PAFAH2: variants seen among roughly 807,000 people sequenced by gnomAD.
PAFAH2 encodes the protein platelet-activating factor acetylhydrolase 2, cytoplasmic.
Under a neutral mutation model 49.0 loss-of-function variants are expected in PAFAH2, and 42 were observed. The observed-to-expected ratio is 0.86, with a 90% CI of 0.67 to 1.11. The LOEUF (loss-of-function observed/expected upper bound fraction) is 1.11. PAFAH2 is among the 50% of genes least tolerant of loss of function. The pLI is 0.00. For synonymous variants in PAFAH2, 184 were observed against 181.3 expected, an observed-to-expected ratio of 1.01 and a Z score of -0.12; for missense variants, 503 against 501.8, an observed-to-expected ratio of 1.00 and a Z score of -0.02.
chr1:25,971,847 A>G (rs7529111), intron 10 of PAFAH2, among the ~76,000 whole-genome samples: 132 of 152,256 alleles, frequency 8.7e-4, no homozygotes, highest in African/African-American at 2.8e-3. Context: ...TAGTCCTTCC[A>G]TGCTTTGTTT....
chr1:25,982,589 C>T (rs2049708161), intron 6 of PAFAH2, 112 bp from the exon 7 acceptor site: 5 of 763,618 alleles, frequency 6.5e-6, no homozygotes, highest in East Asian at 5.5e-5. Context: ...CCACCCACGC[C>T]TCAGCAAGCA....
rs775261231 is a variant in PAFAH2 at position 25,972,594 on chromosome 1, C to G, written c.1048G>C (p.Val350Leu). 6.2e-7 allele frequency: 1 copy of G among 1,613,916 alleles called. No homozygotes were observed. The highest frequency in any genetic ancestry group is 1.7e-5 in the Admixed American group (1 of 60,018). The change falls in exon 10 of 11, where the codon GTA becomes CTA. Residue 350 changes from valine to leucine, a missense_variant. By Grantham distance (32) the Val-to-Leu change is conservative. Coordinates refer to ENST00000374282, the MANE Select transcript of PAFAH2 (RefSeq NM_000437.4). ...LDPYEGQEVM[V>L]RAMLAFLQKH... ...TGCAGGAAGGCCAACATGGCCCGTA[C>G]CATAACCTCCTGCCCTTCATAGGGG... is the stretch of plus-strand genomic sequence containing the variant.
At chr1:25,988,874 G>A (rs1432072067) in intron 3 of PAFAH2, among the ~76,000 whole-genome samples, 1 of 146,876 alleles carries the variant, frequency 6.8e-6, no homozygotes, top group African/African-American at 2.5e-5. Flanking sequence ...TGGCAGTACT[G>A]AACCCGGGGT....
At chr1:25,995,789 T>C (rs1039527073) in intron 1 of PAFAH2, among the ~76,000 whole-genome samples, 3 of 152,194 alleles carry the variant, frequency 2.0e-5, no homozygotes, top group Admixed American at 6.5e-5. Flanking sequence ...GGGGTAAAGA[T>C]TGGGTTTTAT....
At chr1:25,973,645 G>A (rs1436800682) in intron 9 of PAFAH2, among the ~76,000 whole-genome samples, 2 of 152,180 alleles carry the variant, frequency 1.3e-5, no homozygotes, top group African/African-American at 4.8e-5. Context: ...CTAGGAAAGA[G>A]GGCCAGGACC....
intron 7 of PAFAH2, among the ~76,000 whole-genome samples, chr1:25,977,608 T>C (rs1043833648): frequency 1.3e-4 from 19 of 149,938 alleles, no homozygotes; most frequent in Admixed American, 1.0e-3. Flanking sequence ...TGAGCCATGA[T>C]TGCACCACTG....
chr1:25,971,290 G>A (rs996159029), intron 10 of PAFAH2, among the ~76,000 whole-genome samples: 8 of 152,138 alleles, frequency 5.3e-5, no homozygotes, highest in South Asian at 2.1e-4. Context: ...TAGCTGGGAC[G>A]GGGCTACAGT....
At chr1:25,967,984 G>A (rs1451586033) in intron 10 of PAFAH2, among the ~76,000 whole-genome samples, 1 of 152,044 alleles carries the variant, frequency 6.6e-6, no homozygotes, top group Non-Finnish European at 1.5e-5. Context: ...TGGCCAACAT[G>A]GCAAAACTCC....
chr1:25,977,145 C>T (rs943127981), intron 7 of PAFAH2, among the ~76,000 whole-genome samples: 35 of 150,528 alleles, frequency 2.3e-4, no homozygotes, highest in African/African-American at 7.8e-4. Flanking sequence ...GCCTCAGCCT[C>T]CCGAGTAGCT....
At chr1:25,967,059 A>G (rs1257152) in intron 10 of PAFAH2, among the ~76,000 whole-genome samples, 116,127 of 146,890 alleles carry the variant, frequency 0.79, 46,745 homozygotes, top group East Asian at 0.92. Context: ...AAGACTGTGA[A>G]GAGAGGGACT....
chr1:25,987,724 A>G (rs2049804505), intron 4 of PAFAH2, among the ~76,000 whole-genome samples: 1 of 151,826 alleles, frequency 6.6e-6, no homozygotes, highest in South Asian at 2.1e-4. Context: ...TGAAAAAAAA[A>G]AAAAAAATTT....
At chr1:25,982,567 CAGAT>C in intron 6 of PAFAH2, 90 bp from the exon 7 acceptor site, 1 of 1,009,850 alleles carries the variant, frequency 9.9e-7, no homozygotes, top group African/African-American at 1.6e-5. Flanking sequence ...GAAGAATGCA[CAGAT>C]AGTCTACCCA....
intron 10 of PAFAH2, among the ~76,000 whole-genome samples, chr1:25,969,249 C>T (rs964314766): frequency 1.3e-5 from 2 of 152,238 alleles, no homozygotes; most frequent in African/African-American, 2.4e-5. Context: ...CTCGCCCTTT[C>T]CTGCCTGTGA....
intron 1 of PAFAH2, among the ~76,000 whole-genome samples, chr1:25,991,949 A>G (rs1399772461): frequency 2.6e-5 from 4 of 152,176 alleles, no homozygotes; most frequent in Non-Finnish European, 5.9e-5. Context: ...ACTAAGGCAT[A>G]AAGAGGTTGA....
chr1:25,970,830 C>G (rs1021785338), intron 10 of PAFAH2, among the ~76,000 whole-genome samples: 2 of 152,110 alleles, frequency 1.3e-5, no homozygotes, highest in African/African-American at 4.8e-5. Context: ...TCAAGCAATC[C>G]TCCCATCTCA....
chr1:25,972,566 T>C lies in PAFAH2; in HGVS notation c.1076A>G (p.Lys359Arg). The change falls in exon 10 of 11, where the codon AAG (lysine) becomes AGG (arginine). Residue 359 changes from lysine (K) to arginine (R), a missense_variant. By Grantham distance (26) the Lys-to-Arg change is conservative. Transcript: ENST00000374282. ...MVRAMLAFLQ[K>R]HLDLKEDYNQ... Reference sequence around the variant, plus strand: ...CCCAGTTTTCTCCTTACCGAGGTGCTTCTGCAGGAAGGCCAACATGGCCCG... The same window carrying C: ...CCCAGTTTTCTCCTTACCGAGGTGCCTCTGCAGGAAGGCCAACATGGCCCG... The C allele has an allele frequency of 1.9e-6, 3 of 1,613,614 alleles. No individual in the cohort carries two copies. Among genetic ancestry groups the C allele is most frequent in the Non-Finnish European group, 2.5e-6 (3 of 1,179,634 alleles).
At chr1:25,970,030 T>C (rs2049484149) in intron 10 of PAFAH2, among the ~76,000 whole-genome samples, 1 of 152,054 alleles carries the variant, frequency 6.6e-6, no homozygotes, top group African/African-American at 2.4e-5. Context: ...GGCAGAAATA[T>C]AAAAATGAAA....
At chr1:25,982,236 G>A (rs1018170884) in intron 7 of PAFAH2, 128 bp downstream of exon 7, 10 of 678,562 alleles carry the variant, frequency 1.5e-5, no homozygotes, top group Non-Finnish European at 2.6e-5. Context: ...GTTGGCCTTT[G>A]ATCTTCTTGA....
chr1:25,989,945 C>T (rs1220549991), intron 2 of PAFAH2, among the ~76,000 whole-genome samples: 2 of 152,092 alleles, frequency 1.3e-5, no homozygotes, highest in East Asian at 1.9e-4. Flanking sequence ...GATTAGTTCT[C>T]GTGCTGAACA....
Sources: allele counts gnomAD v4.1 joint callset (sites outside exome capture counted in the v4.1 genomes callset), GRCh38; gene constraint gnomAD v4.1.1; transcripts MANE v1.5; gene names NCBI Gene and HGNC (gene_info 2026-07-23, HGNC 2026-07-21).